Variants in DCC observed in about 807,000 individuals in gnomAD.
The protein encoded by DCC is DCC netrin 1 receptor, also known as netrin receptor DCC.
DCC carries 58 observed loss-of-function variants against 172.5 expected under a neutral mutation model. The ratio of observed to expected loss-of-function variants is 0.34; its 90% CI spans 0.27 to 0.42. The LOEUF (loss-of-function observed/expected upper bound fraction) is 0.42. Ranked by LOEUF, DCC falls within the 10% of genes least tolerant of loss-of-function variation. The probability of loss-of-function intolerance (pLI) is 1.00; values close to 1 mark genes in which losing one functional copy is unlikely to be tolerated. For synonymous variants in DCC, 709 were observed against 644.5 expected (o/e 1.10, Z -1.52); for missense variants, 1,740 against 1,791.0 (o/e 0.97, Z 0.51).
chr18:52,916,688 C>T (rs2040046124), intron 3 of DCC, among the ~76,000 whole-genome samples: 1 of 152,078 alleles, frequency 6.6e-6, no homozygotes, highest in Non-Finnish European at 1.5e-5. Flanking sequence ...AACTAATTTT[C>T]AAAACCCTGC....
intron 11 of DCC, among the ~76,000 whole-genome samples, chr18:53,213,267 A>T: frequency 6.6e-6 from 1 of 152,194 alleles, no homozygotes; most frequent in East Asian, 1.9e-4. Flanking sequence ...TAATTGATCA[A>T]AAAGTTAGTG....
At chr18:53,377,452 A>G (rs1178364852) in intron 15 of DCC, among the ~76,000 whole-genome samples, 1 of 152,010 alleles carries the variant, frequency 6.6e-6, no homozygotes, top group Admixed American at 6.6e-5. Context: ...CTCCACTCAT[A>G]CAATAGCAGC....
rs2030095374 is a variant in DCC at position 52,484,214 on chromosome 18, G to T, written c.91+143336G>T. Among the ~76,000 whole-genome samples, 3 of 152,010 alleles carry T rather than the reference G, an allele frequency of 2.0e-5. No individual in the cohort carries two copies. The South Asian group carries it at 6.2e-4, about 31-fold the overall frequency. ...TCTATTTTCACCATCCTGCTCAAAG[G>T]TAATTTATCAAGACCATCCTACTCA... On this transcript the variant is annotated intron_variant, in intron 1 of 28. Transcript: ENST00000442544.
chr18:52,842,398 A>G (rs1573410), intron 2 of DCC, among the ~76,000 whole-genome samples: 58,842 of 151,932 alleles, frequency 0.39, 12,206 homozygotes, highest in South Asian at 0.55. Context: ...AGGAACATTG[A>G]GGTAGGAGAT....
At position 53,168,071 on chromosome 18, in the gene DCC, T is replaced by C. The variant is rs188730018; in HGVS notation, c.1418+10559T>C. 1.3e-3 allele frequency among the ~76,000 whole-genome samples: 200 copies of C among 152,164 alleles called. 2 individuals are homozygous for C. The highest frequency in any genetic ancestry group is 0.012 in the South Asian group (59 of 4,826). ...TTAAAAAGTCAGGAAACAACAGATA[T>C]TGGAGAGGATATGGAGAAATAAGAA... On this transcript the variant is annotated intron_variant, in intron 8 of 28. Coordinates refer to ENST00000442544, the MANE Select transcript of DCC (RefSeq NM_005215.4).
chr18:53,184,379 CATTA>C (rs146814969), intron 9 of DCC, among the ~76,000 whole-genome samples: 3,314 of 152,196 alleles, frequency 0.022, 40 homozygotes, highest in Middle Eastern at 0.027. Context: ...AGAAATGCAT[CATTA>C]ATTGTTTCAT....
intron 2 of DCC, among the ~76,000 whole-genome samples, chr18:52,808,022 C>T (rs1165436866): frequency 5.3e-5 from 8 of 152,162 alleles, no homozygotes; most frequent in South Asian, 2.1e-4. Flanking sequence ...GTTGCTGTGA[C>T]CGCTAATGCT....
intron 1 of DCC, among the ~76,000 whole-genome samples, chr18:52,532,489 A>G (rs1216916839): frequency 6.6e-6 from 1 of 152,180 alleles, no homozygotes; most frequent in Admixed American, 6.5e-5. Flanking sequence ...GATTCAAATG[A>G]TCTTTCTCCA....
intron 12 of DCC, among the ~76,000 whole-genome samples, chr18:53,227,429 A>G (rs1196077311): frequency 2.6e-5 from 4 of 152,210 alleles, no homozygotes; most frequent in Admixed American, 2.6e-4. Context: ...TTGTTCTTTC[A>G]CATAGAAAAT....
intron 17 of DCC, 93 bp downstream of exon 17, chr18:53,391,980 T>TA (rs1908578744): frequency 1.3e-6 from 1 of 760,690 alleles, no homozygotes; most frequent in Non-Finnish European, 2.3e-6. Context: ...ATGAGTCGTT[T>TA]TGCTGCTGTG....
intron 12 of DCC, among the ~76,000 whole-genome samples, chr18:53,303,350 C>T (rs566759595): frequency 4.6e-5 from 7 of 152,202 alleles, no homozygotes; most frequent in East Asian, 3.9e-4. Context: ...GTATTAATGA[C>T]GTCTTTTTGG....
chr18:52,914,214 C>A (rs2040008853), intron 3 of DCC, among the ~76,000 whole-genome samples: 2 of 127,072 alleles, frequency 1.6e-5, no homozygotes, highest in Admixed American at 7.6e-5. Context: ...AAAAAAAAAT[C>A]TAAAAATAAA....
At chr18:52,554,395 C>A (rs1340082470) in intron 1 of DCC, among the ~76,000 whole-genome samples, 1 of 152,072 alleles carries the variant, frequency 6.6e-6, no homozygotes, top group African/African-American at 2.4e-5. Context: ...CTTGGAGTGA[C>A]ATTTTCCAGC....
chr18:52,449,474 C>T (rs887541599), intron 1 of DCC, among the ~76,000 whole-genome samples: 2 of 152,156 alleles, frequency 1.3e-5, no homozygotes, highest in Admixed American at 6.5e-5. Flanking sequence ...TTAGTGTAGG[C>T]AAATTCTGAG....
At chr18:53,512,010 G>A (rs1219496205) in intron 27 of DCC, among the ~76,000 whole-genome samples, 1 of 152,196 alleles carries the variant, frequency 6.6e-6, no homozygotes, top group Admixed American at 6.5e-5. Flanking sequence ...ACCTCTGGGG[G>A]CAGGGCACAG....
At chr18:53,004,146 G>C (rs553808520) in intron 5 of DCC, among the ~76,000 whole-genome samples, 1 of 152,210 alleles carries the variant, frequency 6.6e-6, no homozygotes, top group South Asian at 2.1e-4. Context: ...TTTCAGTGCT[G>C]GTTTTAAGGG....
intron 12 of DCC, among the ~76,000 whole-genome samples, chr18:53,269,912 A>G (rs946835463): frequency 6.6e-6 from 1 of 152,288 alleles, no homozygotes; most frequent in South Asian, 2.1e-4. Flanking sequence ...GGATGGCAAT[A>G]GGATAGATTA....
At chr18:52,591,803 T>TC (rs397963785) in intron 1 of DCC, among the ~76,000 whole-genome samples, 3 of 149,136 alleles carry the variant, frequency 2.0e-5, no homozygotes, top group Admixed American at 1.3e-4. Context: ...TTTTTTTTTT[T>TC]CGGTAGTAAC....
chr18:53,109,508 G>C (rs1271675305), intron 7 of DCC, among the ~76,000 whole-genome samples: 1 of 151,060 alleles, frequency 6.6e-6, no homozygotes, highest in Non-Finnish European at 1.5e-5. Flanking sequence ...CTCTGTCTCT[G>C]TGTGTGTGTG....
Sources: allele counts gnomAD v4.1 joint callset (sites outside exome capture counted in the v4.1 genomes callset), GRCh38; gene constraint gnomAD v4.1.1; transcripts MANE v1.5; gene names NCBI Gene and HGNC (gene_info 2026-07-23, HGNC 2026-07-21).